The following LRP1B variants were observed in gnomAD, a reference collection of about 807,000 sequenced individuals.
LRP1B encodes the protein low-density lipoprotein receptor-related protein 1B.
A neutral mutation model predicts 556.6 loss-of-function variants in LRP1B; 217 were observed. That is an observed-to-expected ratio of 0.39 (90% CI 0.35 to 0.44). LRP1B has a LOEUF of 0.44. LRP1B is among the 20% of genes least tolerant of loss of function. LRP1B has a pLI of 1.00. For synonymous variants in LRP1B, 2,047 were observed against 1,865.8 expected (o/e 1.10, Z -2.50); for missense variants, 5,053 against 5,620.8 (o/e 0.90, Z 3.23).
chr2:140,710,780 T>A (rs2105449211), intron 37 of LRP1B, among the ~76,000 whole-genome samples: 2 of 151,964 alleles, frequency 1.3e-5, no homozygotes, highest in South Asian at 4.1e-4. Flanking sequence ...CCTGCAAAAA[T>A]AATAATAATC....
At chr2:140,692,495 G>T (rs548526211) in intron 41 of LRP1B, among the ~76,000 whole-genome samples, 13 of 152,162 alleles carry the variant, frequency 8.5e-5, no homozygotes, top group Non-Finnish European at 1.8e-4. Flanking sequence ...TGAAAGTCTG[G>T]TTTTTTCTCA....
At chr2:141,331,311 T>TA (rs1026913070) in intron 3 of LRP1B, among the ~76,000 whole-genome samples, 2 of 152,124 alleles carry the variant, frequency 1.3e-5, no homozygotes, top group African/African-American at 2.4e-5. Flanking sequence ...AAATGAATTT[T>TA]AAAAAAGTAT....
intron 25 of LRP1B, 27 bp from the exon 26 acceptor site, chr2:140,868,290 A>AATACTATTG: frequency 1.3e-6 from 2 of 1,504,510 alleles, no homozygotes; most frequent in Non-Finnish European, 1.8e-6. Context: ...AAAAAGAAAT[A>AATACTATTG]ATACTATTGT....
intron 2 of LRP1B, among the ~76,000 whole-genome samples, chr2:141,781,786 G>C (rs72848427): frequency 0.092 from 14,017 of 152,134 alleles, 705 homozygotes; most frequent in Non-Finnish European, 0.1. Flanking sequence ...AAAATTTTCT[G>C]AGAGAGCTAG....
At chr2:140,336,287 T>C (rs1244011901) in intron 77 of LRP1B, among the ~76,000 whole-genome samples, 1 of 152,026 alleles carries the variant, frequency 6.6e-6, no homozygotes, top group Non-Finnish European at 1.5e-5. Flanking sequence ...ATTTTTAATC[T>C]TTTCATTGCT....
intron 31 of LRP1B, among the ~76,000 whole-genome samples, chr2:140,818,262 A>G (rs1294593972): frequency 6.6e-6 from 1 of 152,174 alleles, no homozygotes; most frequent in African/African-American, 2.4e-5. Context: ...TATAATAAAT[A>G]TAATCAAAAT....
intron 8 of LRP1B, 30 bp downstream of exon 8, chr2:141,062,021 A>G (rs756555609): frequency 2.6e-6 from 4 of 1,564,876 alleles, no homozygotes; most frequent in Non-Finnish European, 3.5e-6. Flanking sequence ...TTATTACCCT[A>G]GGAGCGTTGT....
intron 1 of LRP1B, among the ~76,000 whole-genome samples, chr2:141,917,000 T>G (rs1166045646): frequency 6.6e-6 from 1 of 152,180 alleles, no homozygotes; most frequent in Non-Finnish European, 1.5e-5. Context: ...TTGTATGAAT[T>G]TGATACATTT....
intron 2 of LRP1B, among the ~76,000 whole-genome samples, chr2:141,743,094 C>A (rs1553457753): frequency 6.6e-6 from 1 of 151,706 alleles, no homozygotes; most frequent in Non-Finnish European, 1.5e-5. Flanking sequence ...CCCCTTATTT[C>A]TTTTGCTTGG....
intron 81 of LRP1B, among the ~76,000 whole-genome samples, chr2:140,322,737 G>T (rs1456396591): frequency 1.3e-5 from 2 of 151,706 alleles, no homozygotes; most frequent in Non-Finnish European, 2.9e-5. Context: ...GCTGATTTTT[G>T]ACCTTTCCTA....
At chr2:141,981,354 C>G (rs1702038149) in intron 1 of LRP1B, among the ~76,000 whole-genome samples, 1 of 152,002 alleles carries the variant, frequency 6.6e-6, no homozygotes, top group South Asian at 2.1e-4. Context: ...TGAAGATCTT[C>G]AGGAAGATCA....
rs1683373160 is a variant in LRP1B, at chr2:141,229,362, A to G, written c.671T>C (p.Met224Thr). 1.2e-6 allele frequency: 2 copies of G among 1,611,858 alleles called. No homozygotes were observed. Among genetic ancestry groups the G allele is most frequent in the Non-Finnish European group, 1.7e-6 (2 of 1,178,246 alleles). The change falls in exon 6 of 91, where the codon ATG (methionine) becomes ACG (threonine). Residue 224 changes from methionine (M) to threonine (T), a missense_variant. Physicochemically the swap from Met to Thr is moderately conservative, Grantham distance 81 (BLOSUM62 -1). Transcript: ENST00000389484. ...IEVFYLNGSKMATLSSVNGNE... is the reference protein window; with the variant it reads ...IEVFYLNGSKTATLSSVNGNE... ...TCCATTGACTGAGCTTAGAGTTGCCATTTTACTTCCATTAAGATAGAAAAC... is the reference window on the plus strand; with the variant it reads ...TCCATTGACTGAGCTTAGAGTTGCCGTTTTACTTCCATTAAGATAGAAAAC...
chr2:140,771,842 G>A (rs1689322922), intron 33 of LRP1B, among the ~76,000 whole-genome samples: 1 of 152,150 alleles, frequency 6.6e-6, no homozygotes, highest in Admixed American at 6.5e-5. Flanking sequence ...GATATGAAGT[G>A]TAACAAATCC....
intron 1 of LRP1B, among the ~76,000 whole-genome samples, chr2:141,941,485 T>TGC (rs1228180241): frequency 2.0e-5 from 3 of 152,208 alleles, no homozygotes; most frequent in Admixed American, 2.0e-4. Context: ...CCATAGGTCT[T>TGC]TCACCTATTC....
chr2:141,175,807 G>A (rs1680708248), intron 7 of LRP1B, among the ~76,000 whole-genome samples: 1 of 152,076 alleles, frequency 6.6e-6, no homozygotes, highest in South Asian at 2.1e-4. Flanking sequence ...AAAGGCATAG[G>A]CATTCAACAA....
rs201773071 is a variant in LRP1B, at chr2:140,748,858, T to TACAC, written c.5758+20351_5758+20354dup. ...ATTATATACATGTATATAATATATA[T>TACAC]ACACACACACACACAGAGTCATGCA... On this transcript the variant is annotated intron_variant, in intron 35 of 90. Coordinates refer to ENST00000389484, the MANE Select transcript of LRP1B (RefSeq NM_018557.3). Among the ~76,000 whole-genome samples, 324 of 138,940 alleles carry TACAC rather than the reference T, an allele frequency of 2.3e-3. 3 individuals are homozygous for TACAC. Among genetic ancestry groups the TACAC allele is most frequent in the African/African-American group, 8.0e-3 (303 of 38,030 alleles). The allele number at this position is 138,940 out of a possible 152,430, so 91.2% of individuals were successfully genotyped here. A position where few individuals can be genotyped will look rare whatever the true frequency, so the allele number is the denominator to read the frequency against.
At position 141,142,229 on chromosome 2, in the gene LRP1B, T is replaced by C. The variant is rs566845605; in HGVS notation, c.1013+46192A>G. Among the ~76,000 whole-genome samples, 262 of 152,334 alleles carry C rather than the reference T, an allele frequency of 1.7e-3. 1 individual carries two copies. Among genetic ancestry groups the C allele is most frequent in the Middle Eastern group, 3.4e-3 (1 of 294 alleles). ...TGCTGTCTCATTACAGGCCTCTGAATGTTGAGAAGAGGTTGCCGTGTTGAC... is the reference window on the plus strand; with the variant it reads ...TGCTGTCTCATTACAGGCCTCTGAACGTTGAGAAGAGGTTGCCGTGTTGAC... On this transcript the variant is annotated intron_variant, in intron 7 of 90. Transcript: ENST00000389484.
intron 2 of LRP1B, among the ~76,000 whole-genome samples, chr2:141,693,631 C>G (rs1253638846): frequency 1.3e-5 from 2 of 152,002 alleles, no homozygotes; most frequent in South Asian, 4.1e-4. Context: ...GCTTTGTGCA[C>G]ACTGTGTGCA....
At chr2:141,340,691 A>G (rs1688025736) in intron 3 of LRP1B, among the ~76,000 whole-genome samples, 1 of 152,214 alleles carries the variant, frequency 6.6e-6, no homozygotes, top group Admixed American at 6.5e-5. Flanking sequence ...AGGTAATATA[A>G]TCTTCAAATT....
Sources: gnomAD v4.1 joint callset for allele counts (sites outside exome capture counted in the v4.1 genomes callset) on GRCh38, gnomAD v4.1.1 for gene constraint, MANE v1.5 for transcripts, NCBI Gene and HGNC (gene_info 2026-07-23, HGNC 2026-07-21) for gene names.